The following CHSY1 variants were observed in gnomAD, a reference collection of about 807,000 sequenced individuals.
The protein encoded by CHSY1 is chondroitin sulfate synthase 1.
CHSY1 carries 13 observed loss-of-function variants against 59.8 expected under a neutral mutation model. The observed-to-expected ratio is 0.22, with a 90% CI of 0.14 to 0.35. The LOEUF (loss-of-function observed/expected upper bound fraction) is 0.35, where lower values mean the gene tolerates loss of function less well. Among genes scored for constraint, CHSY1 ranks in the 10% least tolerant of loss-of-function variants. The pLI is 1.00. For synonymous variants in CHSY1, 459 were observed against 401.2 expected (o/e 1.14, Z -1.72); for missense variants, 947 against 1,030.6 (o/e 0.92, Z 1.11).
intron 2 of CHSY1, among the ~76,000 whole-genome samples, chr15:101,232,446 G>A (rs2038901228): frequency 6.6e-6 from 1 of 152,086 alleles, no homozygotes; most frequent in Admixed American, 6.6e-5. Flanking sequence ...AGAAATCAAA[G>A]GTCTAATAAG....
chr15:101,191,293 C>T (rs187109876), intron 2 of CHSY1, among the ~76,000 whole-genome samples: 29 of 152,264 alleles, frequency 1.9e-4, no homozygotes, highest in East Asian at 1.9e-4. Flanking sequence ...ATGCATGTTA[C>T]TAAGTAAAAG....
intron 2 of CHSY1, among the ~76,000 whole-genome samples, chr15:101,202,861 T>C (rs1428266920): frequency 2.0e-5 from 3 of 152,036 alleles, no homozygotes; most frequent in African/African-American, 7.3e-5. Context: ...AGAAAAAAAA[T>C]ATTTTACCAT....
chr15:101,185,588 T>G (rs1255058322), intron 2 of CHSY1, among the ~76,000 whole-genome samples: 1 of 147,654 alleles, frequency 6.8e-6, no homozygotes, highest in Non-Finnish European at 1.5e-5. Flanking sequence ...AGCCCTCCCA[T>G]GTGACCACAT....
chr15:101,191,410 G>A (rs974355914), intron 2 of CHSY1, among the ~76,000 whole-genome samples: 17 of 152,186 alleles, frequency 1.1e-4, no homozygotes, highest in African/African-American at 3.6e-4. Context: ...GGTTGCCAGG[G>A]GTTACAGGGG....
At chr15:101,249,681 T>C (rs576720719) in intron 1 of CHSY1, among the ~76,000 whole-genome samples, 2 of 152,176 alleles carry the variant, frequency 1.3e-5, no homozygotes, top group African/African-American at 2.4e-5. Context: ...ACCCGGCTAA[T>C]TTTTGTACTC....
At chr15:101,189,557 T>A in intron 2 of CHSY1, 4 of 734,880 alleles carry the variant, frequency 5.4e-6, no homozygotes, top group Non-Finnish European at 6.6e-6. Context: ...CTAACTGAAG[T>A]GCTGGCAACC....
At chr15:101,182,155 T>A (rs981154943) in intron 2 of CHSY1, among the ~76,000 whole-genome samples, 25 of 152,226 alleles carry the variant, frequency 1.6e-4, no homozygotes. Context: ...CTTTTTCTTG[T>A]AATATTATGA....
intron 2 of CHSY1, among the ~76,000 whole-genome samples, chr15:101,219,100 C>T (rs953742868): frequency 6.6e-6 from 1 of 152,128 alleles, no homozygotes; most frequent in Non-Finnish European, 1.5e-5. Context: ...TAGGGAAGAA[C>T]GGAAGCAGAG....
At chr15:101,217,019 T>C (rs936108857) in intron 2 of CHSY1, among the ~76,000 whole-genome samples, 1 of 152,206 alleles carries the variant, frequency 6.6e-6, no homozygotes, top group African/African-American at 2.4e-5. Context: ...CTGACCTAAG[T>C]AACTGTGAGA....
At chr15:101,187,169 A>G (rs954744560) in intron 2 of CHSY1, among the ~76,000 whole-genome samples, 1 of 152,218 alleles carries the variant, frequency 6.6e-6, no homozygotes, top group Non-Finnish European at 1.5e-5. Flanking sequence ...GAATAAAGTA[A>G]TGACATTTTT....
chr15:101,180,782 G>C (rs1259682626), intron 2 of CHSY1, among the ~76,000 whole-genome samples: 2 of 152,160 alleles, frequency 1.3e-5, no homozygotes, highest in African/African-American at 4.8e-5. Context: ...CACAAGGCTT[G>C]GATGAACCAC....
At chr15:101,208,189 T>C (rs1037128339) in intron 2 of CHSY1, among the ~76,000 whole-genome samples, 3 of 152,094 alleles carry the variant, frequency 2.0e-5, no homozygotes, top group Non-Finnish European at 2.9e-5. Flanking sequence ...CACACACACA[T>C]GCACATTTTC....
intron 2 of CHSY1, among the ~76,000 whole-genome samples, chr15:101,181,512 A>G (rs939264908): frequency 1.3e-5 from 2 of 152,240 alleles, no homozygotes; most frequent in Non-Finnish European, 2.9e-5. Flanking sequence ...AGTCTGAAGC[A>G]TGTGCTGTTC....
At chr15:101,185,881 A>G (rs1220796020) in intron 2 of CHSY1, among the ~76,000 whole-genome samples, 4 of 151,762 alleles carry the variant, frequency 2.6e-5, no homozygotes, top group Middle Eastern at 3.2e-3. Context: ...CTGGTCATTA[A>G]GCGTTTAACG....
At chr15:101,181,996 T>C (rs753949855) in intron 2 of CHSY1, among the ~76,000 whole-genome samples, 5 of 152,178 alleles carry the variant, frequency 3.3e-5, no homozygotes, top group African/African-American at 7.2e-5. Flanking sequence ...GAAAATGGCA[T>C]GGAAGGAAGA....
chr15:101,176,597 C>G lies in CHSY1; in HGVS notation c.*791G>C. On this transcript the variant is annotated 3_prime_UTR_variant, in exon 3 of 3. Transcript: ENST00000254190. ...CCCCTTGCTTTAAAACCTACGTGGC[C>G]AGCTGGGCTTGCATGGTGAAACCCC... 2 of 391,256 alleles carry G rather than the reference C, an allele frequency of 5.1e-6. No individual in the cohort carries two copies. Among genetic ancestry groups the G allele is most frequent in the Admixed American group, 8.9e-5 (2 of 22,470 alleles). The allele number at this position is 391,256 out of a possible 1,614,324, so 24.2% of individuals were successfully genotyped here.
Position 101,204,707 on chromosome 15 carries a change from C to T in CHSY1, c.817-25727G>A, listed in dbSNP as rs1329764896. On this transcript the variant is annotated intron_variant, in intron 2 of 2. Coordinates refer to ENST00000254190, the MANE Select transcript of CHSY1 (RefSeq NM_014918.5). ...TCACTTGAGGACAGGGGTTCAAGAC[C>T]AGCCTGACTGACATAATGAAACCCC... 2.6e-5 allele frequency among the ~76,000 whole-genome samples: 4 copies of T among 151,534 alleles called. No individual in the cohort carries two copies. The East Asian group carries it at 7.8e-4, about 29-fold the overall frequency.
intron 2 of CHSY1, among the ~76,000 whole-genome samples, chr15:101,187,257 T>C (rs760492186): frequency 1.3e-5 from 2 of 152,204 alleles, no homozygotes; most frequent in African/African-American, 4.8e-5. Flanking sequence ...GGCAGGCAGA[T>C]CACTTGAGGT....
rs1269626538 is a variant in CHSY1, at chr15:101,251,304, C to T, written c.153G>A (p.Gly51=). ...CGCCGGCCTGGGAAGCCGCCGCCTG[C>T]CCGGACCGGCAGCCCTCGGGGCTGG... ...RRASPEGCRS[G]QAAASQAGGA... Residue 51 remains glycine (G), a synonymous_variant, in exon 1 of 3, where the codon GGG becomes GGA. Coordinates refer to ENST00000254190, the MANE Select transcript of CHSY1 (RefSeq NM_014918.5). The T allele has an allele frequency of 1.7e-6, 2 of 1,176,926 alleles. No individual in the cohort carries two copies. The highest frequency in any genetic ancestry group is 3.0e-4 in the Middle Eastern group (1 of 3,314). The allele number at this position is 1,176,926 out of a possible 1,614,324, so 72.9% of individuals were successfully genotyped here. A position where few individuals can be genotyped will look rare whatever the true frequency, so the allele number is the denominator to read the frequency against.
Sources: allele counts gnomAD v4.1 joint callset (sites outside exome capture counted in the v4.1 genomes callset), GRCh38; gene constraint gnomAD v4.1.1; transcripts MANE v1.5; gene names NCBI Gene and HGNC (gene_info 2026-07-23, HGNC 2026-07-21).